WWOX: variants seen among roughly 807,000 people sequenced by gnomAD.
WWOX encodes the protein WW domain-containing oxidoreductase.
A neutral mutation model predicts 46.2 loss-of-function variants in WWOX; 69 were observed. The ratio of observed to expected loss-of-function variants is 1.49; its 90% CI spans 1.23 to 1.82. WWOX has a LOEUF of 1.82. Among genes scored for constraint, WWOX ranks in the 40% most tolerant of loss-of-function variants. The probability of loss-of-function intolerance (pLI) is 0.00; values close to 1 mark genes in which losing one functional copy is unlikely to be tolerated. For missense variants in WWOX, 919 were observed against 542.6 expected (o/e 1.69, Z -6.89); for synonymous variants, 359 against 202.6 (o/e 1.77, Z -6.56).
intron 8 of WWOX, among the ~76,000 whole-genome samples, chr16:78,469,797 G>A (rs1783659272): frequency 6.6e-6 from 1 of 152,156 alleles, no homozygotes; most frequent in African/African-American, 2.4e-5. Context: ...TCCTCTCAGT[G>A]CTAGCCAGCC....
intron 5 of WWOX, among the ~76,000 whole-genome samples, chr16:78,333,942 T>G (rs935994119): frequency 2.6e-5 from 4 of 151,896 alleles, no homozygotes; most frequent in African/African-American, 9.7e-5. Flanking sequence ...TTTAGAAACC[T>G]TGCGTGATCC....
At chr16:79,186,105 C>T (rs951605037) in intron 8 of WWOX, among the ~76,000 whole-genome samples, 43 of 152,062 alleles carry the variant, frequency 2.8e-4, no homozygotes, top group African/African-American at 9.2e-4. Context: ...CTGTGGGCCT[C>T]TGTGTTCACA....
intron 8 of WWOX, among the ~76,000 whole-genome samples, chr16:78,875,431 C>A (rs1400648580): frequency 2.0e-5 from 3 of 152,116 alleles, no homozygotes; most frequent in African/African-American, 7.2e-5. Flanking sequence ...GTCTGATCTG[C>A]CTGGCTAGAA....
At chr16:78,697,155 C>G (rs961877083) in intron 8 of WWOX, among the ~76,000 whole-genome samples, 18 of 152,104 alleles carry the variant, frequency 1.2e-4, no homozygotes, top group Admixed American at 1.0e-3. Flanking sequence ...CATATAAGGA[C>G]TTCTTTTCCT....
At chr16:79,181,305 G>T (rs2050907128) in intron 8 of WWOX, among the ~76,000 whole-genome samples, 1 of 152,202 alleles carries the variant, frequency 6.6e-6, no homozygotes, top group Non-Finnish European at 1.5e-5. Flanking sequence ...GCTCTGTGCT[G>T]TGGAGTAGCC....
intron 8 of WWOX, among the ~76,000 whole-genome samples, chr16:78,505,601 G>T (rs1402724445): frequency 1.3e-5 from 2 of 152,118 alleles, no homozygotes; most frequent in African/African-American, 4.8e-5. Context: ...GGGCCAGCCA[G>T]CCTCACCAAA....
intron 8 of WWOX, among the ~76,000 whole-genome samples, chr16:78,806,220 T>G (rs1554978): frequency 0.19 from 28,517 of 152,138 alleles, 2,830 homozygotes; most frequent in South Asian, 0.25. Flanking sequence ...TTGAACTTTT[T>G]CCTCTCAGGA....
chr16:78,934,788 T>C (rs1039435024), intron 8 of WWOX, among the ~76,000 whole-genome samples: 1 of 152,102 alleles, frequency 6.6e-6, no homozygotes, highest in Non-Finnish European at 1.5e-5. Flanking sequence ...TGCAGGCCTA[T>C]AGAGAGCAGA....
intron 4 of WWOX, among the ~76,000 whole-genome samples, chr16:78,150,862 C>T (rs2034381170): frequency 6.6e-6 from 1 of 152,136 alleles, no homozygotes; most frequent in East Asian, 1.9e-4. Flanking sequence ...ACCCACATTG[C>T]TCAGAAAATT....
chr16:78,898,944 C>G (rs535820611), intron 8 of WWOX: 2 of 152,058 alleles, frequency 1.3e-5, no homozygotes, highest in East Asian at 1.9e-4. Flanking sequence ...ACAGTTGATT[C>G]TAGCAAACTG....
intron 8 of WWOX, among the ~76,000 whole-genome samples, chr16:78,755,004 C>T (rs984635046): frequency 1.7e-4 from 22 of 127,650 alleles, no homozygotes; most frequent in African/African-American, 6.3e-4. Flanking sequence ...AATGAGAACA[C>T]GTGGACAACG....
At chr16:78,293,985 A>C (rs4528585) in intron 5 of WWOX, among the ~76,000 whole-genome samples, 9,510 of 67,096 alleles carry the variant, frequency 0.14, 383 homozygotes, top group East Asian at 0.27. Flanking sequence ...TCAGAAAAAA[A>C]AAAAAAAAAA....
chr16:78,825,355 T>A (rs1186591105), intron 8 of WWOX: 1 of 290,318 alleles, frequency 3.4e-6, no homozygotes, highest in African/African-American at 2.2e-5. Context: ...ATCAGTTTCT[T>A]ACTCCGGAGC....
intron 8 of WWOX, among the ~76,000 whole-genome samples, chr16:78,553,946 G>C (rs1302008819): frequency 6.6e-6 from 1 of 152,052 alleles, no homozygotes; most frequent in Non-Finnish European, 1.5e-5. Context: ...GAAAGGTCGG[G>C]TGTCATACAG....
chr16:78,762,490 G>C (rs1318902230), intron 8 of WWOX, among the ~76,000 whole-genome samples: 3 of 152,188 alleles, frequency 2.0e-5, no homozygotes, highest in African/African-American at 7.2e-5. Flanking sequence ...CTCAGCCTGT[G>C]GTGAGGCTGC....
At chr16:79,210,821 C>G (rs576876943) in intron 8 of WWOX, among the ~76,000 whole-genome samples, 1 of 152,140 alleles carries the variant, frequency 6.6e-6, no homozygotes, top group African/African-American at 2.4e-5. Flanking sequence ...CGTCCCTAGC[C>G]ACAGCCGCAA....
At chr16:78,564,548 A>T (rs2044518590) in intron 8 of WWOX, among the ~76,000 whole-genome samples, 1 of 152,138 alleles carries the variant, frequency 6.6e-6, no homozygotes, top group Admixed American at 6.5e-5. Flanking sequence ...CACACAGAGA[A>T]CCCAGGAGAC....
chr16:78,997,910 C>G (rs909270655), intron 8 of WWOX, among the ~76,000 whole-genome samples: 1 of 152,022 alleles, frequency 6.6e-6, no homozygotes, highest in African/African-American at 2.4e-5. Flanking sequence ...GAGTTTCACC[C>G]TTATTGCCTA....
In WWOX at chr16:78,346,448, C is replaced by G. The variant is rs554283954; in HGVS notation, c.517-40412C>G. ...AATGGGCAGGGTGGTCCGTATAGGG[C>G]TATGTATAACTTTTTAAGAGGTTGG... On this transcript the variant is annotated intron_variant, in intron 5 of 8. Coordinates refer to ENST00000566780, the MANE Select transcript of WWOX (RefSeq NM_016373.4). Among the ~76,000 whole-genome samples the G allele has an allele frequency of 2.5e-5, 3 of 119,300 alleles. No individual in the cohort carries two copies. In the East Asian group the frequency reaches 5.8e-4, roughly 23 times the overall value. The allele number at this position is 119,300 out of a possible 152,430, so 78.3% of individuals were successfully genotyped here. A position where few individuals can be genotyped will look rare whatever the true frequency, so the allele number is the denominator to read the frequency against.
Sources: gnomAD v4.1 joint callset for allele counts (sites outside exome capture counted in the v4.1 genomes callset) on GRCh38, gnomAD v4.1.1 for gene constraint, MANE v1.5 for transcripts, NCBI Gene and HGNC (gene_info 2026-07-23, HGNC 2026-07-21) for gene names.